Variants in GALNT13 observed in about 807,000 individuals in gnomAD.
The protein encoded by GALNT13 is polypeptide N-acetylgalactosaminyltransferase 13, also known as UDP-GalNAc:polypeptide N-acetylgalactosaminyltransferase 13.
In GALNT13, 28 loss-of-function variants were observed where a neutral mutation model predicts 64.2. The ratio of observed to expected loss-of-function variants is 0.44; its 90% CI spans 0.32 to 0.60. The LOEUF (loss-of-function observed/expected upper bound fraction) is 0.60, where lower values mean the gene tolerates loss of function less well. GALNT13 is among the 20% of genes least tolerant of loss of function. The probability of loss-of-function intolerance (pLI) is 0.05; values close to 1 mark genes in which losing one functional copy is unlikely to be tolerated. For synonymous variants in GALNT13, 214 were observed against 224.6 expected, an observed-to-expected ratio of 0.95 and a Z score of 0.42; for missense variants, 577 against 669.8, an observed-to-expected ratio of 0.86 and a Z score of 1.53.
intron 2 of GALNT13, among the ~76,000 whole-genome samples, chr2:153,921,733 T>C (rs1689771044): frequency 6.6e-6 from 1 of 152,062 alleles, no homozygotes; most frequent in Non-Finnish European, 1.5e-5. Flanking sequence ...CAGTGTTTTC[T>C]CCATAGTAGA....
the GALNT13 span, among the ~76,000 whole-genome samples, chr2:153,217,423 G>T: frequency 2.0e-5 from 3 of 151,990 alleles, no homozygotes; most frequent in South Asian, 2.1e-4. Flanking sequence ...ATTCTACCTT[G>T]TTCTCATTCT....
In GALNT13 at chr2:154,396,056, A is replaced by G; in HGVS notation, c.1222A>G (p.Lys408Glu). Residue 408 changes from lysine to glutamate, a missense_variant, in exon 10 of 13, where the codon AAG becomes GAG. By Grantham distance (56) the Lys-to-Glu change is moderately conservative. This residue lies in a region of GALNT13 where 232 missense variants were observed against 270.6 expected (regional missense o/e 0.86). Coordinates refer to ENST00000392825, the MANE Select transcript of GALNT13 (RefSeq NM_052917.4). ...RKTLRENLKC[K>E]PFSWYLENIY... ...AACACTAAGAGAAAATCTGAAGTGTAAGCCCTTTTCTTGGTACCTAGAAAA... is the reference window on the plus strand; with the variant it reads ...AACACTAAGAGAAAATCTGAAGTGTGAGCCCTTTTCTTGGTACCTAGAAAA... The G allele has an allele frequency of 1.2e-6, 2 of 1,611,692 alleles. No homozygotes were observed. The highest frequency in any genetic ancestry group is 1.7e-6 in the Non-Finnish European group (2 of 1,178,584).
chr2:153,482,335 A>C, the GALNT13 span, among the ~76,000 whole-genome samples: 1 of 152,210 alleles, frequency 6.6e-6, no homozygotes, highest in Non-Finnish European at 1.5e-5. Flanking sequence ...CAGACTTTCT[A>C]AGAGTATTAA....
chr2:153,439,644 T>TG, the GALNT13 span, among the ~76,000 whole-genome samples: 1 of 152,162 alleles, frequency 6.6e-6, no homozygotes, highest in Non-Finnish European at 1.5e-5. Flanking sequence ...TCTCCTGGTG[T>TG]GCCGTTTGTT....
chr2:153,612,245 G>A, the GALNT13 span, among the ~76,000 whole-genome samples: 2 of 152,124 alleles, frequency 1.3e-5, no homozygotes, highest in Non-Finnish European at 2.9e-5. Flanking sequence ...TGATGGGGGT[G>A]TAAATTAGTT....
the GALNT13 span, among the ~76,000 whole-genome samples, chr2:153,408,127 T>G: frequency 2.6e-5 from 4 of 152,094 alleles, no homozygotes; most frequent in Non-Finnish European, 4.4e-5. Context: ...AGAGCAACTA[T>G]AGAATATAGG....
At chr2:153,176,170 C>T in the GALNT13 span, among the ~76,000 whole-genome samples, 4 of 152,266 alleles carry the variant, frequency 2.6e-5, no homozygotes, top group Admixed American at 6.5e-5. Context: ...AGAGTAACAC[C>T]TGAGGAGCAC....
chr2:154,024,568 T>G (rs1484301685), intron 3 of GALNT13, among the ~76,000 whole-genome samples: 1 of 152,218 alleles, frequency 6.6e-6, no homozygotes, highest in Admixed American at 6.5e-5. Flanking sequence ...CTTCTCTGCG[T>G]TGGTTATTCT....
chr2:154,343,138 G>A (rs1291358058), intron 9 of GALNT13, among the ~76,000 whole-genome samples: 2 of 152,010 alleles, frequency 1.3e-5, no homozygotes, highest in Non-Finnish European at 1.5e-5. Context: ...CCTGCCCTTT[G>A]GAGCTAAACA....
At chr2:153,503,677 A>C in the GALNT13 span, among the ~76,000 whole-genome samples, 1 of 151,966 alleles carries the variant, frequency 6.6e-6, no homozygotes, top group Non-Finnish European at 1.5e-5. Context: ...CTGGCCTCAA[A>C]TGATCCACCC....
At chr2:154,349,920 G>T (rs1696295986) in intron 9 of GALNT13, among the ~76,000 whole-genome samples, 1 of 152,186 alleles carries the variant, frequency 6.6e-6, no homozygotes, top group Non-Finnish European at 1.5e-5. Context: ...TCCAGTGGAA[G>T]TATCAGGAAT....
chr2:153,723,020 A>C, the GALNT13 span, among the ~76,000 whole-genome samples: 1 of 152,114 alleles, frequency 6.6e-6, no homozygotes, highest in Non-Finnish European at 1.5e-5. Context: ...ATTTAGAACA[A>C]TATCCTTGAT....
intron 3 of GALNT13, among the ~76,000 whole-genome samples, chr2:153,976,691 A>AT (rs1483010986): frequency 1.3e-5 from 2 of 152,080 alleles, no homozygotes; most frequent in Admixed American, 6.6e-5. Context: ...GTAGAAATAG[A>AT]TTTTTTTGTC....
At chr2:154,086,409 AATAT>A (rs1329238733) in intron 3 of GALNT13, among the ~76,000 whole-genome samples, 3 of 148,198 alleles carry the variant, frequency 2.0e-5, no homozygotes, top group African/African-American at 4.9e-5. Context: ...ACATTATGTA[AATAT>A]ATAGAGTATA....
the GALNT13 span, among the ~76,000 whole-genome samples, chr2:153,821,461 T>C: frequency 0.088 from 13,357 of 152,102 alleles, 772 homozygotes; most frequent in African/African-American, 0.16. Context: ...CACAATTACA[T>C]GCAAATTAAA....
At chr2:154,373,156 C>T (rs1697795268) in intron 9 of GALNT13, among the ~76,000 whole-genome samples, 1 of 152,064 alleles carries the variant, frequency 6.6e-6, no homozygotes, top group Admixed American at 6.6e-5. Flanking sequence ...AGTTTTCATA[C>T]ATTTTATGGC....
At chr2:153,631,463 C>G in the GALNT13 span, among the ~76,000 whole-genome samples, 5 of 152,198 alleles carry the variant, frequency 3.3e-5, no homozygotes, top group African/African-American at 1.2e-4. Flanking sequence ...CACATCCTCT[C>G]CAGCACCTGT....
At chr2:153,699,831 A>G in the GALNT13 span, among the ~76,000 whole-genome samples, 2 of 152,182 alleles carry the variant, frequency 1.3e-5, no homozygotes, top group Non-Finnish European at 2.9e-5. Context: ...ACAGGTTCTG[A>G]AATTGAGGCA....
the GALNT13 span, among the ~76,000 whole-genome samples, chr2:153,588,979 C>T: frequency 6.6e-6 from 1 of 152,042 alleles, no homozygotes; most frequent in South Asian, 2.1e-4. Flanking sequence ...CCAGCCTGAC[C>T]AACATGGAGA....
Sources: gnomAD v4.1 joint callset for allele counts (sites outside exome capture counted in the v4.1 genomes callset) on GRCh38, gnomAD v4.1.1 for gene constraint, gnomAD v4.1.1 regional missense constraint, MANE v1.5 for transcripts, NCBI Gene and HGNC (gene_info 2026-07-23, HGNC 2026-07-21) for gene names.